The following RPS6KC1 variants were observed in gnomAD, a reference collection of about 807,000 sequenced individuals.
RPS6KC1 encodes inactive ribosomal protein S6 kinase delta-1.
Under a neutral mutation model 103.8 loss-of-function variants are expected in RPS6KC1, and 54 were observed. The observed-to-expected ratio is 0.52, with a 90% CI of 0.42 to 0.65. The LOEUF (loss-of-function observed/expected upper bound fraction) is 0.65. Ranked by LOEUF, RPS6KC1 falls within the 30% of genes least tolerant of loss-of-function variation. The pLI is 0.00. For synonymous variants in RPS6KC1, 439 were observed against 438.7 expected, an observed-to-expected ratio of 1.00 and a Z score of -0.01; for missense variants, 1,151 against 1,253.8, an observed-to-expected ratio of 0.92 and a Z score of 1.24.
intron 8 of RPS6KC1, among the ~76,000 whole-genome samples, chr1:213,214,718 C>G (rs1385537119): frequency 1.3e-5 from 2 of 152,174 alleles, no homozygotes; most frequent in Non-Finnish European, 2.9e-5. Flanking sequence ...GGCTGTTTAG[C>G]AATATTCGCT....
the RPS6KC1 span, among the ~76,000 whole-genome samples, chr1:213,342,261 T>C: frequency 6.6e-6 from 1 of 152,234 alleles, no homozygotes; most frequent in Non-Finnish European, 1.5e-5. Context: ...AAAGTCTGAC[T>C]GACACTGTCC....
chr1:213,155,703 T>G (rs973486017), intron 6 of RPS6KC1, among the ~76,000 whole-genome samples: 22 of 152,300 alleles, frequency 1.4e-4, no homozygotes, highest in African/African-American at 4.8e-4. Flanking sequence ...TTCAGTAAGA[T>G]GAAGTTAAAA....
At chr1:213,209,695 C>CAAAAAAA (rs60840755) in intron 8 of RPS6KC1, among the ~76,000 whole-genome samples, 1 of 54,128 alleles carries the variant, frequency 1.8e-5, no homozygotes, top group African/African-American at 6.9e-5. Flanking sequence ...AACTCCGTCT[C>CAAAAAAA]AAAAAAAAAA....
chr1:213,814,516 G>C, the RPS6KC1 span, among the ~76,000 whole-genome samples: 1 of 152,186 alleles, frequency 6.6e-6, no homozygotes, highest in Non-Finnish European at 1.5e-5. Context: ...TAAGGACTTA[G>C]AATGGTTTAC....
At chr1:213,639,624 T>C in the RPS6KC1 span, among the ~76,000 whole-genome samples, 31 of 152,228 alleles carry the variant, frequency 2.0e-4, no homozygotes, top group African/African-American at 7.2e-4. Context: ...ATGTTGTACA[T>C]TGTCAAGTGC....
chr1:213,131,451 T>C (rs938223758), intron 6 of RPS6KC1, among the ~76,000 whole-genome samples: 1 of 12,988 alleles, frequency 7.7e-5, no homozygotes, highest in Non-Finnish European at 1.6e-4. Context: ...AATGTTAGGT[T>C]TTTTTTTTTT....
At chr1:213,096,565 T>C (rs992687186) in intron 3 of RPS6KC1, among the ~76,000 whole-genome samples, 9 of 151,986 alleles carry the variant, frequency 5.9e-5, no homozygotes, top group African/African-American at 2.2e-4. Context: ...CTCGGGAGGC[T>C]GAGGCAGGAG....
At chr1:213,702,851 T>TTTTC in the RPS6KC1 span, among the ~76,000 whole-genome samples, 1 of 151,232 alleles carries the variant, frequency 6.6e-6, no homozygotes, top group African/African-American at 2.4e-5. Flanking sequence ...TTGAGGTTTT[T>TTTTC]TTTGTTTGTT....
chr1:213,489,152 G>A, the RPS6KC1 span, among the ~76,000 whole-genome samples: 2 of 152,172 alleles, frequency 1.3e-5, no homozygotes, highest in African/African-American at 4.8e-5. Context: ...ATAATGCAGT[G>A]GGAAATAAGC....
At chr1:213,580,168 T>C in the RPS6KC1 span, among the ~76,000 whole-genome samples, 3 of 152,086 alleles carry the variant, frequency 2.0e-5, no homozygotes, top group Non-Finnish European at 4.4e-5. Flanking sequence ...ACGTCATGAT[T>C]CATGGGAGGA....
chr1:213,140,156 T>C (rs1234723963), intron 6 of RPS6KC1, among the ~76,000 whole-genome samples: 1 of 152,112 alleles, frequency 6.6e-6, no homozygotes, highest in Non-Finnish European at 1.5e-5. Flanking sequence ...ACGTGATTGA[T>C]GTATAGAAAT....
At chr1:213,819,714 T>A in the RPS6KC1 span, 1 of 152,224 alleles carries the variant, frequency 6.6e-6, no homozygotes, top group East Asian at 1.9e-4. Context: ...TCTGGTGACA[T>A]CAGTCCTTAT....
the RPS6KC1 span, among the ~76,000 whole-genome samples, chr1:213,582,002 A>G: frequency 6.6e-6 from 1 of 151,634 alleles, no homozygotes; most frequent in Non-Finnish European, 1.5e-5. Flanking sequence ...GTACCTGCCC[A>G]CATTGCAACA....
At chr1:213,851,221 C>G in the RPS6KC1 span, among the ~76,000 whole-genome samples, 1,245 of 152,264 alleles carry the variant, frequency 8.2e-3, 20 homozygotes, top group African/African-American at 0.028. Flanking sequence ...CCCTTCCCTA[C>G]AGTTTCATGC....
intron 14 of RPS6KC1, among the ~76,000 whole-genome samples, chr1:213,271,465 T>TA (rs1288212317): frequency 1.3e-5 from 2 of 151,890 alleles, no homozygotes; most frequent in Non-Finnish European, 2.9e-5. Context: ...CTTTTTAGGG[T>TA]AATCAAAATG....
chr1:213,740,641 TAC>T, the RPS6KC1 span, among the ~76,000 whole-genome samples: 31 of 148,464 alleles, frequency 2.1e-4, no homozygotes, highest in African/African-American at 6.8e-4. Flanking sequence ...TATATACACA[TAC>T]ATATATCTCT....
the RPS6KC1 span, among the ~76,000 whole-genome samples, chr1:213,835,304 C>T: frequency 1.3e-5 from 2 of 152,146 alleles, no homozygotes; most frequent in Non-Finnish European, 2.9e-5. Context: ...TAAGCAGGAA[C>T]CTGATCACAG....
At chr1:213,613,171 C>A in the RPS6KC1 span, among the ~76,000 whole-genome samples, 1 of 152,200 alleles carries the variant, frequency 6.6e-6, no homozygotes, top group African/African-American at 2.4e-5. Context: ...AGGAAATGAA[C>A]AAAGTTGGCC....
chr1:213,761,592 T>C, the RPS6KC1 span, among the ~76,000 whole-genome samples: 681 of 152,358 alleles, frequency 4.5e-3, 6 homozygotes, highest in Middle Eastern at 0.014. Flanking sequence ...ACTTTCCATT[T>C]AATGCTAGGA....
Sources: allele counts gnomAD v4.1 joint callset (sites outside exome capture counted in the v4.1 genomes callset), GRCh38; gene constraint gnomAD v4.1.1; transcripts MANE v1.5; gene names NCBI Gene and HGNC (gene_info 2026-07-23, HGNC 2026-07-21).